Variants in GPR19 observed in about 807,000 individuals in gnomAD.
GPR19 encodes G protein-coupled receptor 19.
GPR19 carries 14 observed loss-of-function variants against 28.5 expected under a neutral mutation model. That is an observed-to-expected ratio of 0.49 (90% confidence interval 0.32 to 0.77). The LOEUF is 0.77. GPR19 is among the 30% of genes least tolerant of loss of function. The pLI is 0.03. For missense variants in GPR19, 409 were observed against 504.1 expected (o/e 0.81, Z 1.81); for synonymous variants, 173 against 184.1 (o/e 0.94, Z 0.49).
intron 3 of GPR19, among the ~76,000 whole-genome samples, chr12:12,681,150 T>C (rs1237897801): frequency 6.6e-6 from 1 of 152,134 alleles, no homozygotes; most frequent in Non-Finnish European, 1.5e-5. Context: ...GTCATCCAAT[T>C]TTTTGCCTTG....
chr12:12,665,276 C>G (rs918570456), intron 3 of GPR19, among the ~76,000 whole-genome samples: 3 of 152,180 alleles, frequency 2.0e-5, no homozygotes, highest in Non-Finnish European at 4.4e-5. Context: ...AAATGAAACT[C>G]AAGCTCACCG....
chr12:12,662,615 A>C, intron 3 of GPR19, 145 bp from the exon 4 acceptor site: 1 of 713,626 alleles, frequency 1.4e-6, no homozygotes, highest in Admixed American at 2.9e-5. Flanking sequence ...GCAGGAAAAC[A>C]TAACTACTAT....
At chr12:12,709,187 G>A in the GPR19 span, among the ~76,000 whole-genome samples, 2 of 151,938 alleles carry the variant, frequency 1.3e-5, no homozygotes, top group South Asian at 2.1e-4. Flanking sequence ...TAAATGTAGG[G>A]AGTAGTACCT....
intron 3 of GPR19, among the ~76,000 whole-genome samples, chr12:12,674,767 T>G (rs1248665967): frequency 2.0e-5 from 3 of 152,218 alleles, no homozygotes; most frequent in African/African-American, 7.2e-5. Flanking sequence ...CACTCCAGAA[T>G]GTACTATGTT....
intron 3 of GPR19, among the ~76,000 whole-genome samples, chr12:12,663,424 A>G (rs111315835): frequency 0.065 from 5,420 of 83,118 alleles, 137 homozygotes; most frequent in Non-Finnish European, 0.1. Flanking sequence ...GCAAGACCCT[A>G]TCTCAAAAAA....
At chr12:12,691,776 T>C (rs765604329) in intron 2 of GPR19, among the ~76,000 whole-genome samples, 53 of 152,150 alleles carry the variant, frequency 3.5e-4, no homozygotes, top group Non-Finnish European at 5.9e-5. Context: ...AACCACCTAA[T>C]TTTCATTTTC....
intron 3 of GPR19, among the ~76,000 whole-genome samples, chr12:12,663,922 A>G (rs1015538296): frequency 2.6e-5 from 4 of 152,202 alleles, no homozygotes; most frequent in Non-Finnish European, 5.9e-5. Context: ...TCTGCACCTC[A>G]CAAAGAAACA....
chr12:12,680,937 C>T (rs570900084), intron 3 of GPR19, among the ~76,000 whole-genome samples: 31 of 152,220 alleles, frequency 2.0e-4, no homozygotes, highest in Admixed American at 2.0e-3. Context: ...ATTCTGCCCC[C>T]CTCAGCCTCC....
the GPR19 span, among the ~76,000 whole-genome samples, chr12:12,702,113 A>C: frequency 6.6e-6 from 1 of 151,922 alleles, no homozygotes; most frequent in East Asian, 1.9e-4. Flanking sequence ...AGCTCCTCCC[A>C]CTGAAGACAG....
At chr12:12,712,871 A>C in the GPR19 span, among the ~76,000 whole-genome samples, 1 of 151,974 alleles carries the variant, frequency 6.6e-6, no homozygotes, top group Non-Finnish European at 1.5e-5. Context: ...TATACTCCCC[A>C]CAGGCAAGGA....
chr12:12,676,042 G>A (rs907507733), intron 3 of GPR19, among the ~76,000 whole-genome samples: 10 of 152,128 alleles, frequency 6.6e-5, no homozygotes, highest in Non-Finnish European at 2.9e-5. Context: ...TTTAATTTGA[G>A]TACTAAAATT....
chr12:12,709,507 C>G, the GPR19 span, among the ~76,000 whole-genome samples: 1 of 152,160 alleles, frequency 6.6e-6, no homozygotes, highest in Non-Finnish European at 1.5e-5. Context: ...GTGGCATGAA[C>G]AGGGCTCACT....
At chr12:12,713,709 T>C in the GPR19 span, among the ~76,000 whole-genome samples, 9 of 151,758 alleles carry the variant, frequency 5.9e-5, no homozygotes, top group East Asian at 3.9e-4. Flanking sequence ...ATGTTTGTAT[T>C]TGTAGTAGAG....
chr12:12,693,940 A>C (rs1292775751), intron 2 of GPR19, among the ~76,000 whole-genome samples: 1 of 152,016 alleles, frequency 6.6e-6, no homozygotes, highest in Non-Finnish European at 1.5e-5. Context: ...TGACCTCGTG[A>C]TCCCCCCGCC....
At chr12:12,669,345 G>A (rs1566141491) in intron 3 of GPR19, among the ~76,000 whole-genome samples, 1 of 152,062 alleles carries the variant, frequency 6.6e-6, no homozygotes, top group Non-Finnish European at 1.5e-5. Flanking sequence ...AATGAAAGCA[G>A]AATTCTAGAC....
chr12:12,697,167 A>AG (rs1565413578), upstream of GPR19, among the ~76,000 whole-genome samples: 3 of 149,106 alleles, frequency 2.0e-5, no homozygotes, highest in African/African-American at 7.3e-5. Flanking sequence ...AAAAAAAAAA[A>AG]AAAAAAAAAA....
At chr12:12,706,369 A>G in the GPR19 span, among the ~76,000 whole-genome samples, 1 of 152,108 alleles carries the variant, frequency 6.6e-6, no homozygotes, top group African/African-American at 2.4e-5. Context: ...TTATCTAGAT[A>G]CTTCTCATCT....
At chr12:12,666,668 C>T (rs996929856) in intron 3 of GPR19, among the ~76,000 whole-genome samples, 3 of 152,306 alleles carry the variant, frequency 2.0e-5, no homozygotes, top group Admixed American at 6.5e-5. Context: ...TCTACAGCTT[C>T]CACTGAAGTT....
Position 12,661,245 on chromosome 12 carries a change from G to A in GPR19, c.1204C>T (p.Leu402Phe), listed in dbSNP as rs764240171. 1.2e-6 allele frequency: 2 copies of A among 1,612,332 alleles called. No individual in the cohort carries two copies. The highest frequency in any genetic ancestry group is 8.5e-7 in the Non-Finnish European group (1 of 1,179,222). Reference protein sequence around the residue: ...SFDREAKEKKLAWPINSNPPN... With the variant: ...SFDREAKEKKFAWPINSNPPN... ...GGATTTGAGTTAATGGGCCAAGCAA[G>A]CTTTTTTTCCTTGGCTTCTCTGTCA... The change falls in exon 4 of 4, where the codon CTT becomes TTT. Residue 402 changes from leucine (L) to phenylalanine (F), a missense_variant. By Grantham distance (22) the Leu-to-Phe change is conservative (BLOSUM62 0). Coordinates refer to ENST00000651487, the MANE Select transcript of GPR19 (RefSeq NM_006143.3). This position sits in a 1 kb window ranked among gnomAD's most constrained non-coding sequence, Gnocchi z 4.2.
Sources: allele counts gnomAD v4.1 joint callset (sites outside exome capture counted in the v4.1 genomes callset), GRCh38; gene constraint gnomAD v4.1.1; non-coding constraint Gnocchi (gnomAD v3.1); transcripts MANE v1.5; gene names NCBI Gene and HGNC (gene_info 2026-07-23, HGNC 2026-07-21).